Variants in SEMA3A observed in about 807,000 individuals in gnomAD.
SEMA3A encodes semaphorin-3A.
In SEMA3A, 29 loss-of-function variants were observed where a neutral mutation model predicts 97.9. The observed-to-expected ratio is 0.30, with a 90% confidence interval of 0.22 to 0.40. The LOEUF (loss-of-function observed/expected upper bound fraction) is 0.40. Among genes scored for constraint, SEMA3A ranks in the 10% least tolerant of loss-of-function variants. SEMA3A has a pLI of 1.00. For missense variants in SEMA3A, 763 were observed against 951.3 expected (o/e 0.80, Z 2.60); for synonymous variants, 321 against 323.7 (o/e 0.99, Z 0.09).
At chr7:84,115,622 A>G (rs571509521) in intron 3 of SEMA3A, among the ~76,000 whole-genome samples, 2 of 152,248 alleles carry the variant, frequency 1.3e-5, no homozygotes, top group East Asian at 3.9e-4. Flanking sequence ...ACTCTGATTC[A>G]TCAGGATGTG....
intron 1 of SEMA3A, among the ~76,000 whole-genome samples, chr7:84,381,104 C>A (rs910798159): frequency 3.9e-5 from 6 of 152,128 alleles, no homozygotes; most frequent in Admixed American, 3.3e-4. Context: ...GAATAATTTT[C>A]CTTTCTTTCG....
At chr7:84,027,906 T>C (rs1464493810) in intron 6 of SEMA3A, among the ~76,000 whole-genome samples, 1 of 152,214 alleles carries the variant, frequency 6.6e-6, no homozygotes, top group African/African-American at 2.4e-5. Flanking sequence ...TATCCCATGG[T>C]TGATTACTTC....
In SEMA3A at chr7:84,319,350, T is replaced by C. The variant is rs949024274; in HGVS notation, c.-168-12058A>G. 2.6e-5 allele frequency among the ~76,000 whole-genome samples: 4 copies of C among 152,044 alleles called. No homozygotes were observed. In the East Asian group the frequency reaches 7.7e-4, roughly 29 times the overall value. On this transcript the variant is annotated intron_variant, in intron 2 of 3. Coordinates refer to the SEMA3A transcript ENST00000424555. The stretch of plus-strand genomic sequence containing the variant: ...AGGCTCTAAGAAAGGGCAATTTTTG[T>C]AAAAAATGCAAATGCATTTTTGTTG...
chr7:84,071,686 A>G (rs1216099077), intron 4 of SEMA3A, among the ~76,000 whole-genome samples: 1 of 152,160 alleles, frequency 6.6e-6, no homozygotes, highest in South Asian at 2.1e-4. Flanking sequence ...CAATCTATCC[A>G]TACCTTTCTT....
chr7:84,108,040 A>T (rs2115929306), intron 4 of SEMA3A, among the ~76,000 whole-genome samples: 1 of 152,298 alleles, frequency 6.6e-6, no homozygotes, highest in African/African-American at 2.4e-5. Flanking sequence ...TATTAAATAC[A>T]AAATATAAAA....
At chr7:84,411,703 G>A (rs1434783066) in intron 1 of SEMA3A, among the ~76,000 whole-genome samples, 6 of 151,722 alleles carry the variant, frequency 4.0e-5, no homozygotes, top group Admixed American at 6.6e-5. Flanking sequence ...TTTTCCTTAC[G>A]TATGTTGAGA....
At chr7:84,219,591 C>T (rs1245348321) in intron 3 of SEMA3A, among the ~76,000 whole-genome samples, 2 of 152,154 alleles carry the variant, frequency 1.3e-5, no homozygotes, top group African/African-American at 4.8e-5. Flanking sequence ...GTCAACTATA[C>T]TGCGGTCTAT....
At chr7:84,254,803 G>T (rs891806926) in intron 3 of SEMA3A, among the ~76,000 whole-genome samples, 2 of 152,048 alleles carry the variant, frequency 1.3e-5, no homozygotes, top group African/African-American at 4.8e-5. Flanking sequence ...TATAATCATG[G>T]ATTGGTTTTG....
At chr7:84,068,145 A>C (rs1436566809) in intron 4 of SEMA3A, among the ~76,000 whole-genome samples, 1 of 138,298 alleles carries the variant, frequency 7.2e-6, no homozygotes, top group East Asian at 2.0e-4. Flanking sequence ...AAATTGGAAA[A>C]CATCATTCTC....
intron 3 of SEMA3A, among the ~76,000 whole-genome samples, chr7:84,208,018 AT>A (rs1798532089): frequency 6.6e-6 from 1 of 152,218 alleles, no homozygotes; most frequent in Non-Finnish European, 1.5e-5. Context: ...ACACATATGT[AT>A]GCATATTTAT....
intron 1 of SEMA3A, among the ~76,000 whole-genome samples, chr7:84,435,062 A>G (rs533489561): frequency 7.6e-4 from 115 of 152,304 alleles, no homozygotes; most frequent in African/African-American, 2.7e-3. Flanking sequence ...AAGTAGTCAA[A>G]CTATATCTCC....
At chr7:84,458,909 T>A (rs1034395077) in intron 1 of SEMA3A, among the ~76,000 whole-genome samples, 11 of 151,864 alleles carry the variant, frequency 7.2e-5, no homozygotes, top group Non-Finnish European at 1.3e-4. Context: ...TTATTCCTTT[T>A]ATTTAACCAT....
intron 1 of SEMA3A, among the ~76,000 whole-genome samples, chr7:84,433,769 T>A (rs1172651805): frequency 6.6e-6 from 1 of 152,188 alleles, no homozygotes; most frequent in Non-Finnish European, 1.5e-5. Flanking sequence ...TGATCACCAT[T>A]CTAACTGGCA....
In SEMA3A at chr7:83,994,367, G is replaced by A. The variant is rs1185062412; in HGVS notation, c.1452+7588C>T. ...TGTTCCGTTGCTGGTGAGGAACTGC[G>A]TTCCTTGGGAGGAGGAGAGGTGCTC... is the stretch of plus-strand genomic sequence containing the variant. On this transcript the variant is annotated intron_variant, in intron 12 of 16. Transcript: ENST00000265362. 1.7e-4 allele frequency among the ~76,000 whole-genome samples: 20 copies of A among 118,904 alleles called. 7 individuals carry two copies. The highest frequency in any genetic ancestry group is 5.6e-4 in the Admixed American group (6 of 10,642). 78.0% of individuals were successfully genotyped at this position (118,904 alleles called of 152,430 possible). A position where few individuals can be genotyped will look rare whatever the true frequency, so the allele number is the denominator to read the frequency against.
intron 3 of SEMA3A, among the ~76,000 whole-genome samples, chr7:84,279,061 A>G (rs1031411468): frequency 3.9e-5 from 6 of 152,288 alleles, no homozygotes; most frequent in African/African-American, 1.4e-4. Context: ...CAATTTGAAA[A>G]TCATCATAGT....
chr7:84,085,063 G>C (rs1395580757), intron 4 of SEMA3A, among the ~76,000 whole-genome samples: 1 of 138,150 alleles, frequency 7.2e-6, no homozygotes, highest in African/African-American at 3.0e-5. Flanking sequence ...AATCACAATG[G>C]TAAGAGAATT....
chr7:84,299,163 T>C (rs1457577922), intron 3 of SEMA3A, among the ~76,000 whole-genome samples: 1 of 151,884 alleles, frequency 6.6e-6, no homozygotes, highest in Non-Finnish European at 1.5e-5. Context: ...GCAGACAGCC[T>C]ATTGTGGGGC....
intron 4 of SEMA3A, among the ~76,000 whole-genome samples, chr7:84,072,061 A>G (rs993180088): frequency 6.6e-6 from 1 of 152,072 alleles, no homozygotes; most frequent in Admixed American, 6.6e-5. Flanking sequence ...TTTGGGAAAC[A>G]TGATACTCTT....
intron 1 of SEMA3A, among the ~76,000 whole-genome samples, chr7:84,403,741 T>C (rs900964470): frequency 2.0e-5 from 3 of 152,086 alleles, no homozygotes; most frequent in Non-Finnish European, 4.4e-5. Context: ...TTCACCAATA[T>C]CTGCTGTTCT....
Sources: gnomAD v4.1 joint callset for allele counts (sites outside exome capture counted in the v4.1 genomes callset) on GRCh38, gnomAD v4.1.1 for gene constraint, MANE v1.5 for transcripts, NCBI Gene and HGNC (gene_info 2026-07-23, HGNC 2026-07-21) for gene names.